FNDC3A: variants seen among roughly 807,000 people sequenced by gnomAD.
FNDC3A encodes fibronectin type-III domain-containing protein 3A.
A neutral mutation model predicts 148.9 loss-of-function variants in FNDC3A; 32 were observed. The ratio of observed to expected loss-of-function variants is 0.21; its 90% CI spans 0.16 to 0.29. The LOEUF (loss-of-function observed/expected upper bound fraction) is 0.29. Ranked by LOEUF, FNDC3A falls within the 10% of genes least tolerant of loss-of-function variation. The pLI is 1.00. For synonymous variants in FNDC3A, 472 were observed against 473.6 expected (o/e 1.00, Z 0.04); for missense variants, 1,191 against 1,452.8 (o/e 0.82, Z 2.93).
Position 49,203,251 on chromosome 13 carries a change from A to G in FNDC3A, c.3249A>G (p.Gln1083=), listed in dbSNP as rs895159650. 19 of 1,608,236 alleles carry G rather than the reference A, an allele frequency of 1.2e-5. No homozygotes were observed. Among genetic ancestry groups the G allele is most frequent in the Admixed American group, 3.3e-5 (2 of 59,918 alleles). ...MKGDPVIYSL[Q]VMLGKDSEFK... is the part of the protein sequence containing the mutation. ...GTGATCCAGTTATTTACAGTCTTCA[A>G]GTTATGTTGGGAAAAGATTCAGAAT... is the stretch of plus-strand genomic sequence containing the variant. The change falls in exon 25 of 26, where the codon CAA becomes CAG. Residue 1083 remains glutamine, a synonymous_variant. Coordinates refer to ENST00000492622, the MANE Select transcript of FNDC3A (RefSeq NM_001079673.2).
At chr13:48,983,910 T>C (rs1951741330) in intron 1 of FNDC3A, among the ~76,000 whole-genome samples, 2 of 152,162 alleles carry the variant, frequency 1.3e-5, no homozygotes, top group South Asian at 4.1e-4. Flanking sequence ...GGGGGAAATG[T>C]ATCACTATTA....
chr13:49,045,366 T>C, intron 2 of FNDC3A: 2 of 158,630 alleles, frequency 1.3e-5, no homozygotes, highest in Non-Finnish European at 2.7e-5. Context: ...GTTGCCCAGG[T>C]TGGTCTCAAA....
chr13:49,016,930 C>T (rs1872838743), intron 2 of FNDC3A, among the ~76,000 whole-genome samples: 1 of 150,900 alleles, frequency 6.6e-6, no homozygotes, highest in African/African-American at 2.4e-5. Context: ...GATTCTTAAT[C>T]CTGAGTTCTA....
intron 2 of FNDC3A, among the ~76,000 whole-genome samples, chr13:49,007,178 TTTC>T (rs1252984565): frequency 6.6e-6 from 1 of 152,086 alleles, no homozygotes; most frequent in Non-Finnish European, 1.5e-5. Flanking sequence ...AAAGTCAGAT[TTTC>T]TTACTTTATA....
At chr13:49,134,178 A>G (rs1882193778) in intron 5 of FNDC3A, among the ~76,000 whole-genome samples, 1 of 152,044 alleles carries the variant, frequency 6.6e-6, no homozygotes, top group South Asian at 2.1e-4. Flanking sequence ...GTCAGTCCCA[A>G]CTCTCTGTTC....
At chr13:49,085,656 T>G (rs180732504) in intron 3 of FNDC3A, among the ~76,000 whole-genome samples, 36 of 152,346 alleles carry the variant, frequency 2.4e-4, no homozygotes, top group Admixed American at 2.0e-3. Flanking sequence ...GTATACCATT[T>G]CTTCCTATAA....
At chr13:49,113,435 T>TTGCC (rs1192950633) in intron 3 of FNDC3A, among the ~76,000 whole-genome samples, 3 of 152,060 alleles carry the variant, frequency 2.0e-5, no homozygotes, top group Admixed American at 2.0e-4. Context: ...TCCTCACCCC[T>TTGCC]TGCCTTCCCT....
In FNDC3A at chr13:49,186,098, C is replaced by T. The variant is rs112538251; in HGVS notation, c.1752C>T (p.Thr584=). The change falls in exon 15 of 26, where the codon ACC becomes ACT. Residue 584 remains threonine, a synonymous_variant. Transcript: ENST00000492622. The part of the protein sequence containing the change: ...GKIHSHSFKI[T]WDPPKDNGGA... ...TACATTCACACAGTTTTAAAATAAC[C>T]TGGGGTAAGATATTATGCATGTTTA... The T allele has an allele frequency of 1.2e-3, 2,001 of 1,608,806 alleles. 25 individuals carry two copies. The African/African-American group carries it at 0.023, about 18-fold the overall frequency.
chr13:49,183,839 C>T (rs945864497), intron 14 of FNDC3A, among the ~76,000 whole-genome samples: 2 of 152,138 alleles, frequency 1.3e-5, no homozygotes, highest in South Asian at 4.1e-4. Context: ...TTACTCATAT[C>T]CTTGTGTATG....
At chr13:49,132,099 C>A (rs570971608) in intron 5 of FNDC3A, among the ~76,000 whole-genome samples, 3 of 152,284 alleles carry the variant, frequency 2.0e-5, no homozygotes, top group Admixed American at 2.0e-4. Context: ...AATTTGATTT[C>A]TCCTTTTCCA....
At chr13:48,976,645 G>A (rs1443007187) in intron 1 of FNDC3A, 1 of 152,348 alleles carries the variant, frequency 6.6e-6, no homozygotes, top group Non-Finnish European at 1.5e-5. Flanking sequence ...CCCAGCACCC[G>A]CGGCGCCTTC....
chr13:49,150,273 C>T (rs9526524), intron 8 of FNDC3A, among the ~76,000 whole-genome samples: 25,925 of 151,934 alleles, frequency 0.17, 2,750 homozygotes, highest in Non-Finnish European at 0.23. Context: ...ACCTGGCTGT[C>T]TGCTCTGATC....
At chr13:48,985,488 A>C (rs1266909230) in intron 1 of FNDC3A, among the ~76,000 whole-genome samples, 1 of 152,340 alleles carries the variant, frequency 6.6e-6, no homozygotes, top group East Asian at 1.9e-4. Context: ...GGAAACTGGA[A>C]GTAATAAGAT....
intron 2 of FNDC3A, among the ~76,000 whole-genome samples, chr13:49,028,239 A>G (rs1873862135): frequency 6.6e-6 from 1 of 152,010 alleles, no homozygotes; most frequent in African/African-American, 2.4e-5. Context: ...TCATGATTTA[A>G]CTATGTGCAC....
At chr13:49,190,744 A>G (rs755913146) in intron 17 of FNDC3A, among the ~76,000 whole-genome samples, 18 of 152,236 alleles carry the variant, frequency 1.2e-4, no homozygotes, top group Non-Finnish European at 1.9e-4. Context: ...AGAAAAGGAA[A>G]GGAAGGGTTC....
chr13:49,136,729 G>A (rs531302785), intron 6 of FNDC3A, 128 bp downstream of exon 6: 40 of 857,064 alleles, frequency 4.7e-5, no homozygotes, highest in South Asian at 3.0e-4. Flanking sequence ...TGCTGCTTTC[G>A]ACAGTTTGGA....
intron 8 of FNDC3A, among the ~76,000 whole-genome samples, chr13:49,148,884 G>A (rs1384765006): frequency 6.6e-6 from 1 of 152,026 alleles, no homozygotes; most frequent in Non-Finnish European, 1.5e-5. Context: ...TCTTTCATCA[G>A]TGTTTTATAG....
intron 5 of FNDC3A, among the ~76,000 whole-genome samples, chr13:49,134,083 A>G (rs191391124): frequency 1.7e-3 from 261 of 152,310 alleles, no homozygotes; most frequent in African/African-American, 6.1e-3. Context: ...AATGTTTTCT[A>G]TATTCAGTAT....
chr13:49,197,853 T>C lies in FNDC3A; in HGVS notation c.2469T>C (p.Thr823=). 6.2e-7 allele frequency: 1 copy of C among 1,604,558 alleles called. No homozygotes were observed. Among genetic ancestry groups the C allele is most frequent in the East Asian group, 2.2e-5 (1 of 44,856 alleles). ...SYEIKGLSPA[T]TYYCRVQALS... ...AAATAAAAGGACTTTCACCAGCAAC[T>C]ACCTATTATTGCAGGGTCCAGGTAA... Residue 823 remains threonine (T), a synonymous_variant, in exon 21 of 26, where the codon ACT becomes ACC. Coordinates refer to ENST00000492622, the MANE Select transcript of FNDC3A (RefSeq NM_001079673.2).
Sources: gnomAD v4.1 joint callset for allele counts (sites outside exome capture counted in the v4.1 genomes callset) on GRCh38, gnomAD v4.1.1 for gene constraint, MANE v1.5 for transcripts, NCBI Gene and HGNC (gene_info 2026-07-23, HGNC 2026-07-21) for gene names.